Variants in TRIM42 observed in about 807,000 individuals in gnomAD.
TRIM42 encodes tripartite motif-containing protein 42.
A neutral mutation model predicts 64.9 loss-of-function variants in TRIM42; 59 were observed. That is an observed-to-expected ratio of 0.91 (90% CI 0.74 to 1.13). The LOEUF (loss-of-function observed/expected upper bound fraction) is 1.13. Among genes scored for constraint, TRIM42 ranks in the 50% most tolerant of loss-of-function variants. The pLI, the probability that TRIM42 is intolerant of heterozygous loss-of-function variation, is 0.00. For synonymous variants in TRIM42, 354 were observed against 346.3 expected, an observed-to-expected ratio of 1.02 and a Z score of -0.25; for missense variants, 878 against 929.5, an observed-to-expected ratio of 0.94 and a Z score of 0.72.
intron 4 of TRIM42, among the ~76,000 whole-genome samples, chr3:140,697,836 A>C (rs141084417): frequency 0.035 from 5,258 of 152,208 alleles, 144 homozygotes; most frequent in East Asian, 0.11. Flanking sequence ...GGCGCCCGCC[A>C]CCACGCCCGG....
At chr3:140,678,611 G>C (rs1251488134) in intron 1 of TRIM42, 41 bp downstream of exon 1, 1 of 1,533,664 alleles carries the variant, frequency 6.5e-7, no homozygotes, top group African/African-American at 1.4e-5. Flanking sequence ...ATTGGGTCAT[G>C]AAAACTAGGG....
At position 140,701,018 on chromosome 3, in the gene TRIM42, GACATATACACAC is replaced by G; in HGVS notation, c.*52_*63del. 6.5e-7 allele frequency: 1 copy of G among 1,540,080 alleles called. No homozygotes were observed. The highest frequency in any genetic ancestry group is 9.0e-7 in the Non-Finnish European group (1 of 1,115,358). ...ACAACCTCAGACTCATCACAAAGTA[GACATATACACAC>G]ACATATATGTATGTATATTTTTCTC... On this transcript the variant is annotated 3_prime_UTR_variant, in exon 5 of 5. Transcript: ENST00000286349.
rs1335673707 is a variant in TRIM42, at chr3:140,691,125, C to T, written c.2018C>T (p.Thr673Ile). 1.2e-6 allele frequency: 2 copies of T among 1,614,144 alleles called. No individual in the cohort carries two copies. Among genetic ancestry groups the T allele is most frequent in the South Asian group, 2.2e-5 (2 of 91,080 alleles). The change falls in exon 4 of 5, where the codon ACA becomes ATA. Residue 673 changes from threonine to isoleucine, a missense_variant. By Grantham distance (89) the Thr-to-Ile change is moderately conservative (BLOSUM62 -1). Transcript: ENST00000286349. ...GAGCTGCACAACCTGACCCCCAACA[C>T]AGAATACGTGTTTAAAGTTAGAGCC... ...NLELHNLTPN[T>I]EYVFKVRAIN...
At chr3:140,691,220 ATT>A (rs769741663) in intron 4 of TRIM42, 28 bp downstream of exon 4, 10 of 1,594,098 alleles carry the variant, frequency 6.3e-6, no homozygotes, top group Non-Finnish European at 8.6e-6. Context: ...TCTCAGACAG[ATT>A]TTTTTTTCTA....
At position 140,690,841 on chromosome 3, in the gene TRIM42, C is replaced by T. The variant is rs535746434; in HGVS notation, c.1861-127C>T. ...TGTGCATGGTCTAATTAAAAGTCTT[C>T]GGTAGCTACAGGGGATGGGGTCAGC... On this transcript the variant is annotated intron_variant, in intron 3 of 4. Transcript: ENST00000286349. 8.1e-5 allele frequency: 56 copies of T among 689,606 alleles called. No individual in the cohort carries two copies. The African/African-American group carries it at 8.4e-4, about 10-fold the overall frequency. The allele number at this position is 689,606 out of a possible 1,614,324, so 42.7% of individuals were successfully genotyped here. A position where few individuals can be genotyped will look rare whatever the true frequency, so the allele number is the denominator to read the frequency against.
chr3:140,691,011 T>C lies in TRIM42; in HGVS notation c.1904T>C (p.Met635Thr), dbSNP rs1380278330. The change falls in exon 4 of 5, where the codon ATG becomes ACG. Residue 635 changes from methionine (M) to threonine (T), a missense_variant. Physicochemically the swap from Met to Thr is moderately conservative, Grantham distance 81 (BLOSUM62 -1). Transcript: ENST00000286349. ...GCAGAAGACGTGGACTCTTTTGAGA[T>C]GGAATTCTATGAAGTCATTACTTCT... is the stretch of plus-strand genomic sequence containing the variant. ...CPAEDVDSFE[M>T]EFYEVITSPP... 5 of 1,614,102 alleles carry C rather than the reference T, an allele frequency of 3.1e-6. No individual in the cohort carries two copies. Among genetic ancestry groups the C allele is most frequent in the Admixed American group, 1.7e-5 (1 of 60,020 alleles).
At position 140,701,093 on chromosome 3, in the gene TRIM42, A is replaced by G; in HGVS notation, c.*119A>G. The G allele has an allele frequency of 3.7e-6, 3 of 804,296 alleles. No homozygotes were observed. The highest frequency in any genetic ancestry group is 5.7e-6 in the Non-Finnish European group (3 of 527,814). 49.8% of individuals were successfully genotyped at this position (804,296 alleles called of 1,614,324 possible). A position where few individuals can be genotyped will look rare whatever the true frequency, so the allele number is the denominator to read the frequency against. On this transcript the variant is annotated 3_prime_UTR_variant, in exon 5 of 5. Transcript: ENST00000286349. ...AAGGAGGTTGTAGACAAATGTTTCC[A>G]TGACCTCTCAGCTTTCCAACAGGAA...
chr3:140,691,221 T>C (rs755529908), intron 4 of TRIM42, 29 bp downstream of exon 4: 8 of 1,578,884 alleles, frequency 5.1e-6, no homozygotes, highest in Non-Finnish European at 6.1e-6. Context: ...CTCAGACAGA[T>C]TTTTTTTTCT....
intron 4 of TRIM42, among the ~76,000 whole-genome samples, chr3:140,699,168 A>G (rs764502008): frequency 2.6e-4 from 39 of 152,210 alleles, no homozygotes; most frequent in Non-Finnish European, 4.7e-4. Flanking sequence ...TTCCACTTCC[A>G]TTCATGGAAT....
At chr3:140,679,525 G>C (rs1988306674) in intron 1 of TRIM42, among the ~76,000 whole-genome samples, 1 of 152,192 alleles carries the variant, frequency 6.6e-6, no homozygotes, top group South Asian at 2.1e-4. Context: ...TGTGAGCAAA[G>C]GTTTGGTGAA....
At chr3:140,690,714 T>C (rs1349948253) in intron 3 of TRIM42, among the ~76,000 whole-genome samples, 1 of 151,840 alleles carries the variant, frequency 6.6e-6, no homozygotes, top group Non-Finnish European at 1.5e-5. Flanking sequence ...GGAGGACAAT[T>C]GTCACCTCCA....
intron 4 of TRIM42, among the ~76,000 whole-genome samples, chr3:140,699,315 C>T (rs1413546690): frequency 6.6e-6 from 1 of 152,100 alleles, no homozygotes; most frequent in African/African-American, 2.4e-5. Flanking sequence ...TTATCTGGTT[C>T]TGGAATCAAT....
At chr3:140,697,975 G>A (rs1988900902) in intron 4 of TRIM42, among the ~76,000 whole-genome samples, 1 of 152,218 alleles carries the variant, frequency 6.6e-6, no homozygotes, top group East Asian at 1.9e-4. Context: ...GAGCCACCGC[G>A]CCTGGCCAGA....
chr3:140,682,979 GAGA>G lies in TRIM42; in HGVS notation c.863_865del (p.Lys288del), dbSNP rs749212479. The G allele has an allele frequency of 3.1e-6, 5 of 1,614,090 alleles. No homozygotes were observed. The East Asian group carries it at 6.7e-5, about 22-fold the overall frequency. ...GGACACCAGCGCCGAGGAACAGGACGAGAAGATCTGCATCCACCACCCATCCAG... is the reference window on the plus strand; with the variant it reads ...GGACACCAGCGCCGAGGAACAGGACGAGATCTGCATCCACCACCCATCCAG... On this transcript the variant is annotated inframe_deletion, in exon 2 of 5. Coordinates refer to ENST00000286349, the MANE Select transcript of TRIM42 (RefSeq NM_152616.5).
At chr3:140,689,065 C>T (rs969042205) in intron 3 of TRIM42, among the ~76,000 whole-genome samples, 6 of 152,188 alleles carry the variant, frequency 3.9e-5, no homozygotes, top group African/African-American at 4.8e-5. Flanking sequence ...TGAGATTCAA[C>T]CCGCCTTGAA....
chr3:140,687,580 CTG>C, intron 2 of TRIM42, 140 bp from the exon 3 acceptor site: 1 of 636,480 alleles, frequency 1.6e-6, no homozygotes, highest in Non-Finnish European at 2.7e-6. Flanking sequence ...CTATTCCAGC[CTG>C]TTTCAGCCCA....
At chr3:140,678,626 C>G in intron 1 of TRIM42, 56 bp downstream of exon 1, 1 of 1,464,822 alleles carries the variant, frequency 6.8e-7, no homozygotes, top group Non-Finnish European at 9.3e-7. Context: ...CTAGGGACCA[C>G]TTGCCAGCTG....
chr3:140,678,197 T>A lies in TRIM42; in HGVS notation c.-33T>A, dbSNP rs1361109551. 6.3e-7 allele frequency: 1 copy of A among 1,581,796 alleles called. No individual in the cohort carries two copies. Among genetic ancestry groups the A allele is most frequent in the Non-Finnish European group, 8.7e-7 (1 of 1,155,450 alleles). The stretch of plus-strand genomic sequence containing the variant: ...ATTCTGGTAGAGGAGGCATCAAGAG[T>A]CCTGGGAGGCCGGTGGTAATCATGT... On this transcript the variant is annotated 5_prime_UTR_variant, in exon 1 of 5. Coordinates refer to ENST00000286349, the MANE Select transcript of TRIM42 (RefSeq NM_152616.5).
chr3:140,696,330 A>T (rs1988848754), intron 4 of TRIM42, among the ~76,000 whole-genome samples: 2 of 152,032 alleles, frequency 1.3e-5, no homozygotes, highest in Non-Finnish European at 2.9e-5. Context: ...CTGTGTTTTT[A>T]TGATCCATCT....
Sources: allele counts gnomAD v4.1 joint callset (sites outside exome capture counted in the v4.1 genomes callset), GRCh38; gene constraint gnomAD v4.1.1; transcripts MANE v1.5; gene names NCBI Gene and HGNC (gene_info 2026-07-23, HGNC 2026-07-21).